The following YTHDC2 variants were observed in gnomAD, a reference collection of about 807,000 sequenced individuals.
YTHDC2 encodes 3'-5' RNA helicase YTHDC2.
In YTHDC2, 45 loss-of-function variants were observed where a neutral mutation model predicts 174.9. The observed-to-expected ratio is 0.26, with a 90% CI of 0.20 to 0.33. YTHDC2 has a LOEUF of 0.33. Ranked by LOEUF, YTHDC2 falls within the 10% of genes least tolerant of loss-of-function variation. The pLI is 1.00. For synonymous variants in YTHDC2, 657 were observed against 574.5 expected, an observed-to-expected ratio of 1.14 and a Z score of -2.05; for missense variants, 1,650 against 1,723.7, an observed-to-expected ratio of 0.96 and a Z score of 0.76.
At chr5:113,576,901 T>C (rs186798475) in intron 23 of YTHDC2, among the ~76,000 whole-genome samples, 23 of 152,284 alleles carry the variant, frequency 1.5e-4, no homozygotes, top group African/African-American at 5.3e-4. Flanking sequence ...CCTATACTAT[T>C]CACTTTCAAA....
chr5:113,592,237 A>C (rs182740367), intron 28 of YTHDC2, 59 bp downstream of exon 28: 14 of 1,472,874 alleles, frequency 9.5e-6, no homozygotes, highest in Non-Finnish European at 1.2e-5. Context: ...TCTGTTATCC[A>C]GTGCTTTAAT....
chr5:113,530,228 C>A (rs951537675), intron 4 of YTHDC2, among the ~76,000 whole-genome samples: 1 of 152,054 alleles, frequency 6.6e-6, no homozygotes, highest in Non-Finnish European at 1.5e-5. Flanking sequence ...TCAAATATAA[C>A]TTTTATTTAA....
chr5:113,563,406 G>A lies in YTHDC2; in HGVS notation c.2356G>A (p.Val786Ile). Residue 786 changes from valine (V) to isoleucine (I), a missense_variant, in exon 19 of 30, where the codon GTT (valine) becomes ATT (isoleucine). By Grantham distance (29) the Val-to-Ile change is conservative (BLOSUM62 3). Transcript: ENST00000161863. ...CTTACATACCAAGCTGTTAGCCCCAGTTAATTGTCCCATTGCTGATTTTCT... is the reference window on the plus strand; with the variant it reads ...CTTACATACCAAGCTGTTAGCCCCAATTAATTGTCCCATTGCTGATTTTCT... Reference protein sequence around the residue: ...LCLHTKLLAPVNCPIADFLMK... With the variant: ...LCLHTKLLAPINCPIADFLMK... 6.2e-7 allele frequency: 1 copy of A among 1,611,440 alleles called. No homozygotes were observed. Among genetic ancestry groups the A allele is most frequent in the Non-Finnish European group, 8.5e-7 (1 of 1,178,486 alleles).
chr5:113,525,263 A>G, intron 3 of YTHDC2, 86 bp downstream of exon 3: 2 of 1,093,072 alleles, frequency 1.8e-6, no homozygotes, highest in South Asian at 3.7e-5. Flanking sequence ...TCGAAAACCA[A>G]GATGAAATAA....
Position 113,519,415 on chromosome 5 carries a change from GT to G in YTHDC2, c.278+4056del, listed in dbSNP as rs147681770. Among the ~76,000 whole-genome samples the G allele has an allele frequency of 6.6e-4, 101 of 152,196 alleles. 2 individuals carry two copies. The East Asian group carries it at 0.017, about 25-fold the overall frequency. Reference sequence around the variant, plus strand: ...GCTCACTTTTCTAAGTCTTTGGCTTGTTTATAATGAAAACAAAATCCCATCT... The same window carrying G: ...GCTCACTTTTCTAAGTCTTTGGCTTGTTATAATGAAAACAAAATCCCATCT... On this transcript the variant is annotated intron_variant, in intron 2 of 29. Transcript: ENST00000161863.
intron 26 of YTHDC2, among the ~76,000 whole-genome samples, chr5:113,585,647 G>C (rs1778638637): frequency 6.6e-6 from 1 of 151,282 alleles, no homozygotes; most frequent in Admixed American, 6.6e-5. Context: ...CTTGAGTTTT[G>C]CCTTTTCTAG....
At chr5:113,537,066 A>T (rs908060882) in intron 7 of YTHDC2, among the ~76,000 whole-genome samples, 1 of 152,186 alleles carries the variant, frequency 6.6e-6, no homozygotes, top group African/African-American at 2.4e-5. Context: ...GCCCCTGCCA[A>T]CAATGTTATA....
intron 23 of YTHDC2, among the ~76,000 whole-genome samples, chr5:113,575,221 T>C (rs1777967734): frequency 6.6e-6 from 1 of 152,230 alleles, no homozygotes; most frequent in African/African-American, 2.4e-5. Context: ...AAAATGTTCC[T>C]TCATAGTTAG....
chr5:113,566,376 A>G (rs988209257), intron 21 of YTHDC2, among the ~76,000 whole-genome samples: 2 of 151,842 alleles, frequency 1.3e-5, no homozygotes, highest in African/African-American at 4.8e-5. Context: ...TAGAAATTTT[A>G]AAAAATTGAT....
intron 18 of YTHDC2, among the ~76,000 whole-genome samples, chr5:113,563,006 A>G (rs796193926): frequency 6.6e-6 from 1 of 152,156 alleles, no homozygotes; most frequent in African/African-American, 2.4e-5. Context: ...CTTAGAAAGC[A>G]CTTAAATATT....
chr5:113,573,285 G>A (rs1777846386), intron 23 of YTHDC2, among the ~76,000 whole-genome samples: 1 of 152,156 alleles, frequency 6.6e-6, no homozygotes, highest in Non-Finnish European at 1.5e-5. Flanking sequence ...TAAGAGTGTT[G>A]AATATTGGCC....
At position 113,553,832 on chromosome 5, in the gene YTHDC2, C is replaced by T. The variant is rs1257994724; in HGVS notation, c.2030C>T (p.Pro677Leu). 1.2e-6 allele frequency: 2 copies of T among 1,610,354 alleles called. No individual in the cohort carries two copies. Among genetic ancestry groups the T allele is most frequent in the Non-Finnish European group, 1.7e-6 (2 of 1,178,832 alleles). The change falls in exon 15 of 30, where the codon CCA (proline) becomes CTA (leucine). Residue 677 changes from proline (P) to leucine (L), a missense_variant. By Grantham distance (98) the Pro-to-Leu change is moderately conservative. Around this residue, in one of 5 missense-constraint regions of YTHDC2, gnomAD observed 913 missense variants for 940.4 expected, o/e 0.97. Transcript: ENST00000161863. ...TSDQKKVLKN[P>L]PAGVRKIILS... is the part of the protein sequence containing the mutation. ...GATCAAAAGAAAGTATTAAAAAACC[C>T]ACCTGCAGGTGTTCGAAAAATAGTA... is the stretch of plus-strand genomic sequence containing the variant.
At chr5:113,518,381 T>C (rs1213311464) in intron 2 of YTHDC2, among the ~76,000 whole-genome samples, 1 of 151,904 alleles carries the variant, frequency 6.6e-6, no homozygotes, top group Non-Finnish European at 1.5e-5. Context: ...TTCTATTTTT[T>C]GTAGAGGACA....
chr5:113,588,166 C>G (rs1377325339), intron 26 of YTHDC2, among the ~76,000 whole-genome samples: 1 of 151,950 alleles, frequency 6.6e-6, no homozygotes, highest in African/African-American at 2.4e-5. Flanking sequence ...TAATTTTACT[C>G]TTTTCCTTTT....
At chr5:113,580,197 A>T (rs1299698406) in intron 24 of YTHDC2, among the ~76,000 whole-genome samples, 1 of 152,220 alleles carries the variant, frequency 6.6e-6, no homozygotes, top group South Asian at 2.1e-4. Flanking sequence ...TCAAAGGCCA[A>T]CACCTCCCAT....
At chr5:113,553,905 G>T in intron 15 of YTHDC2, 37 bp from the exon 16 acceptor site, 1 of 1,582,412 alleles carries the variant, frequency 6.3e-7, no homozygotes, top group Admixed American at 1.9e-5. Context: ...TATTTTTTCT[G>T]TTTTTTTATT....
chr5:113,521,155 C>T (rs1773835564), intron 2 of YTHDC2, among the ~76,000 whole-genome samples: 1 of 152,250 alleles, frequency 6.6e-6, no homozygotes, highest in East Asian at 1.9e-4. Flanking sequence ...TTTTATTTAT[C>T]CAGTCTACCA....
At chr5:113,514,217 G>A (rs929376861) in intron 1 of YTHDC2, 135 bp downstream of exon 1, 16 of 1,187,914 alleles carry the variant, frequency 1.3e-5, no homozygotes, top group Non-Finnish European at 1.8e-5. Flanking sequence ...TCCGGGGCGG[G>A]CCTCAGCGGC....
At position 113,543,815 on chromosome 5, in the gene YTHDC2, T is replaced by G. The variant is rs554460373; in HGVS notation, c.1495+1312T>G. 2.6e-5 allele frequency among the ~76,000 whole-genome samples: 4 copies of G among 152,344 alleles called. No individual in the cohort carries two copies. In the South Asian group the frequency reaches 8.3e-4, roughly 32 times the overall value. ...TGCCAACACATTCCCTTTGGGACTT[T>G]GTTTTGTTGTTTCATATGCCTAGAA... On this transcript the variant is annotated intron_variant, in intron 10 of 29. Transcript: ENST00000161863.
Sources: allele counts gnomAD v4.1 joint callset (sites outside exome capture counted in the v4.1 genomes callset), GRCh38; gene constraint gnomAD v4.1.1; regional missense constraint gnomAD v4.1.1; transcripts MANE v1.5; gene names NCBI Gene and HGNC (gene_info 2026-07-23, HGNC 2026-07-21).